Variants in ZSWIM6 observed in about 807,000 individuals in gnomAD.
ZSWIM6 encodes zinc finger SWIM domain-containing protein 6.
A neutral mutation model predicts 113.2 loss-of-function variants in ZSWIM6; 9 were observed. The ratio of observed to expected loss-of-function variants is 0.08; its 90% CI spans 0.05 to 0.14. The LOEUF (loss-of-function observed/expected upper bound fraction) is 0.14, where lower values mean the gene tolerates loss of function less well. Ranked by LOEUF, ZSWIM6 falls within the 10% of genes least tolerant of loss-of-function variation. ZSWIM6 has a pLI of 1.00. For synonymous variants in ZSWIM6, 611 were observed against 606.5 expected, an observed-to-expected ratio of 1.01 and a Z score of -0.11; for missense variants, 1,162 against 1,552.2, an observed-to-expected ratio of 0.75 and a Z score of 4.22.
At chr5:61,458,826 C>T (rs965633210) in intron 1 of ZSWIM6, among the ~76,000 whole-genome samples, 1 of 150,172 alleles carries the variant, frequency 6.7e-6, no homozygotes, top group Admixed American at 6.7e-5. Flanking sequence ...TACAGTGAGC[C>T]GAGATCATGC....
At chr5:61,411,161 G>A (rs776870382) in intron 1 of ZSWIM6, among the ~76,000 whole-genome samples, 48 of 152,188 alleles carry the variant, frequency 3.2e-4, no homozygotes, top group Non-Finnish European at 4.0e-4. Flanking sequence ...TGTGTATTTA[G>A]AATGAGGTTT....
At chr5:61,391,962 C>G (rs937454945) in intron 1 of ZSWIM6, 1 of 503,086 alleles carries the variant, frequency 2.0e-6, no homozygotes, top group Non-Finnish European at 3.5e-6. Context: ...TGGGCTTGTA[C>G]GGGTCTACCT....
intron 1 of ZSWIM6, among the ~76,000 whole-genome samples, chr5:61,412,972 T>A (rs1054375718): frequency 1.3e-5 from 2 of 152,024 alleles, no homozygotes; most frequent in African/African-American, 4.8e-5. Context: ...AGAGATTTTT[T>A]TTTTTATTTC....
intron 4 of ZSWIM6, among the ~76,000 whole-genome samples, chr5:61,497,751 T>C (rs1313462318): frequency 6.6e-6 from 1 of 152,216 alleles, no homozygotes; most frequent in Non-Finnish European, 1.5e-5. Flanking sequence ...AGAAAAGGTA[T>C]ATATTAAAAT....
In ZSWIM6 at chr5:61,541,809, A is replaced by T. The variant is rs2112294026; in HGVS notation, c.2704-75A>T. ...ACAGTAGGTATGCCTTATATGCCTTATAGTTTATCCCCCCCCTTTTTTTTC... is the reference window on the plus strand; with the variant it reads ...ACAGTAGGTATGCCTTATATGCCTTTTAGTTTATCCCCCCCCTTTTTTTTC... On this transcript the variant is annotated intron_variant, in intron 12 of 13. Coordinates refer to ENST00000252744, the MANE Select transcript of ZSWIM6 (RefSeq NM_020928.2). 3.2e-6 allele frequency: 4 copies of T among 1,258,460 alleles called. No homozygotes were observed. In the Admixed American group the frequency reaches 6.0e-5, roughly 19 times the overall value. The allele number at this position is 1,258,460 out of a possible 1,614,324, so 78.0% of individuals were successfully genotyped here. A position where few individuals can be genotyped will look rare whatever the true frequency, so the allele number is the denominator to read the frequency against.
intron 1 of ZSWIM6, among the ~76,000 whole-genome samples, chr5:61,443,491 A>G (rs1423220945): frequency 1.3e-5 from 2 of 152,182 alleles, no homozygotes; most frequent in African/African-American, 4.8e-5. Flanking sequence ...GTTCTCTTGA[A>G]GTTCAGGGGA....
At chr5:61,372,494 A>G (rs1335275786) in intron 1 of ZSWIM6, among the ~76,000 whole-genome samples, 3 of 152,274 alleles carry the variant, frequency 2.0e-5, no homozygotes, top group South Asian at 2.1e-4. Context: ...ACTCTTTCTC[A>G]TAACAGTCTT....
intron 1 of ZSWIM6, among the ~76,000 whole-genome samples, chr5:61,424,410 A>G (rs1455762312): frequency 6.6e-6 from 1 of 152,144 alleles, no homozygotes; most frequent in Non-Finnish European, 1.5e-5. Flanking sequence ...AGATGTAGAG[A>G]ATGTCTTCTG....
intron 1 of ZSWIM6, among the ~76,000 whole-genome samples, chr5:61,451,351 A>T (rs1045780072): frequency 2.0e-5 from 3 of 152,170 alleles, no homozygotes; most frequent in Admixed American, 6.5e-5. Flanking sequence ...ATTTAAGTAT[A>T]TTATTTAAAA....
intron 1 of ZSWIM6, among the ~76,000 whole-genome samples, chr5:61,367,369 A>G (rs1385453051): frequency 6.6e-6 from 1 of 151,306 alleles, no homozygotes; most frequent in Non-Finnish European, 1.5e-5. Context: ...GATCCTCCCA[A>G]CTCAGCCTCC....
chr5:61,433,475 G>T (rs1268273403), intron 1 of ZSWIM6, among the ~76,000 whole-genome samples: 4 of 143,702 alleles, frequency 2.8e-5, no homozygotes, highest in Admixed American at 1.4e-4. Flanking sequence ...AGACTTAGTT[G>T]TTTTTTTTTT....
intron 2 of ZSWIM6, among the ~76,000 whole-genome samples, chr5:61,479,265 T>C (rs1349047043): frequency 6.6e-6 from 1 of 152,020 alleles, no homozygotes; most frequent in Non-Finnish European, 1.5e-5. Context: ...AGTTTTTACA[T>C]TTCACTTTAG....
chr5:61,485,059 A>G (rs1747979965), intron 2 of ZSWIM6, among the ~76,000 whole-genome samples: 1 of 152,074 alleles, frequency 6.6e-6, no homozygotes, highest in African/African-American at 2.4e-5. Flanking sequence ...CAGGGGGGAA[A>G]ATGTATATGT....
At chr5:61,379,184 T>TG (rs1554031856) in intron 1 of ZSWIM6, among the ~76,000 whole-genome samples, 2 of 63,950 alleles carry the variant, frequency 3.1e-5, no homozygotes, top group African/African-American at 9.0e-5. Flanking sequence ...ATCCTGTCTC[T>TG]GAAAAAAAAA....
At chr5:61,388,613 G>C (rs574204673) in intron 1 of ZSWIM6, among the ~76,000 whole-genome samples, 1 of 152,336 alleles carries the variant, frequency 6.6e-6, no homozygotes, top group African/African-American at 2.4e-5. Context: ...ACAACCCTGT[G>C]AGAGATAAAC....
At chr5:61,525,512 G>T (rs1749250954) in intron 5 of ZSWIM6, among the ~76,000 whole-genome samples, 1 of 152,156 alleles carries the variant, frequency 6.6e-6, no homozygotes, top group South Asian at 2.1e-4. Flanking sequence ...AGTGTATTTG[G>T]CATGGAAACT....
intron 4 of ZSWIM6, among the ~76,000 whole-genome samples, chr5:61,504,333 A>G (rs1049371296): frequency 6.6e-6 from 1 of 152,202 alleles, no homozygotes; most frequent in Admixed American, 6.5e-5. Context: ...CAGGTAATCT[A>G]TTGCATTAAT....
intron 4 of ZSWIM6, among the ~76,000 whole-genome samples, chr5:61,511,985 C>G (rs1342381073): frequency 3.3e-5 from 5 of 152,204 alleles, no homozygotes; most frequent in Middle Eastern, 6.8e-3. Context: ...CTATAAAATA[C>G]ATACATACTG....
chr5:61,458,763 A>G (rs2112165927), intron 1 of ZSWIM6, among the ~76,000 whole-genome samples: 1 of 152,140 alleles, frequency 6.6e-6, no homozygotes, highest in Middle Eastern at 3.4e-3. Flanking sequence ...TTGTGGTCCC[A>G]GCTACTCGGG....
Sources: allele counts gnomAD v4.1 joint callset (sites outside exome capture counted in the v4.1 genomes callset), GRCh38; gene constraint gnomAD v4.1.1; transcripts MANE v1.5; gene names NCBI Gene and HGNC (gene_info 2026-07-23, HGNC 2026-07-21).